CD226: variants seen among roughly 807,000 people sequenced by gnomAD.
The protein encoded by CD226 is CD226 molecule, also known as CD226 antigen.
CD226 carries 24 observed loss-of-function variants against 34.9 expected under a neutral mutation model. The ratio of observed to expected loss-of-function variants is 0.69; its 90% CI spans 0.50 to 0.97. The LOEUF is 0.97. CD226 is among the 50% of genes least tolerant of loss of function. The probability of loss-of-function intolerance (pLI) is 0.00; values close to 1 mark genes in which losing one functional copy is unlikely to be tolerated. For synonymous variants in CD226, 148 were observed against 147.4 expected (o/e 1.00, Z -0.03); for missense variants, 397 against 412.7 (o/e 0.96, Z 0.33).
At chr18:69,872,545 C>A (rs1488406076) in intron 4 of CD226, among the ~76,000 whole-genome samples, 1 of 152,060 alleles carries the variant, frequency 6.6e-6, no homozygotes, top group Non-Finnish European at 1.5e-5. Context: ...ATCACTGTGA[C>A]CAGCCAATAA....
At chr18:69,914,553 CT>C (rs1296607418) in intron 2 of CD226, among the ~76,000 whole-genome samples, 2 of 152,144 alleles carry the variant, frequency 1.3e-5, no homozygotes, top group African/African-American at 4.8e-5. Flanking sequence ...AGCATTTCTA[CT>C]GAAGTAAATT....
chr18:69,933,157 ATCTT>A (rs2055609284), intron 2 of CD226, among the ~76,000 whole-genome samples: 1 of 151,918 alleles, frequency 6.6e-6, no homozygotes, highest in African/African-American at 2.4e-5. Context: ...TGTGCCTCCT[ATCTT>A]TCTGCCTTCC....
chr18:69,936,610 C>T (rs888588400), intron 2 of CD226, among the ~76,000 whole-genome samples: 3 of 151,934 alleles, frequency 2.0e-5, no homozygotes, highest in East Asian at 3.9e-4. Flanking sequence ...TAAAATGTAA[C>T]ATTTTTTAGT....
intron 3 of CD226, among the ~76,000 whole-genome samples, chr18:69,884,160 T>C (rs142328084): frequency 2.6e-5 from 4 of 152,210 alleles, no homozygotes; most frequent in Non-Finnish European, 5.9e-5. Context: ...CTAAGGACTG[T>C]AGTCCCAGGC....
At chr18:69,916,364 C>T (rs1348533450) in intron 2 of CD226, among the ~76,000 whole-genome samples, 4 of 152,028 alleles carry the variant, frequency 2.6e-5, no homozygotes, top group Non-Finnish European at 4.4e-5. Flanking sequence ...TGACATTGAC[C>T]ATCTAACCAT....
intron 2 of CD226, among the ~76,000 whole-genome samples, chr18:69,913,619 C>A (rs962566903): frequency 6.6e-6 from 1 of 152,088 alleles, no homozygotes; most frequent in Non-Finnish European, 1.5e-5. Context: ...AGAGTAACAA[C>A]CTTTGTAAAT....
chr18:69,919,975 C>T (rs1270454174), intron 2 of CD226, among the ~76,000 whole-genome samples: 1 of 151,924 alleles, frequency 6.6e-6, no homozygotes, highest in African/African-American at 2.4e-5. Flanking sequence ...ACCATCATCC[C>T]ACCTCAGCCT....
chr18:69,868,994 T>C (rs1983333060), intron 4 of CD226, among the ~76,000 whole-genome samples: 1 of 152,140 alleles, frequency 6.6e-6, no homozygotes, highest in Admixed American at 6.5e-5. Flanking sequence ...TATTAAAAAG[T>C]CAAAAAATAT....
chr18:69,903,271 T>A (rs973291821), intron 2 of CD226, among the ~76,000 whole-genome samples: 6 of 152,118 alleles, frequency 3.9e-5, no homozygotes, highest in African/African-American at 1.4e-4. Flanking sequence ...AACTGAGCTG[T>A]CAGGCAGCTT....
intron 2 of CD226, among the ~76,000 whole-genome samples, chr18:69,924,411 C>T (rs926126575): frequency 4.6e-5 from 7 of 151,832 alleles, no homozygotes; most frequent in African/African-American, 1.2e-4. Context: ...GTGATTCTGA[C>T]TAGAAAGGCA....
chr18:69,876,161 G>T (rs75397711), intron 3 of CD226, among the ~76,000 whole-genome samples: 1 of 151,892 alleles, frequency 6.6e-6, no homozygotes, highest in Non-Finnish European at 1.5e-5. Flanking sequence ...TTTTCTAGAC[G>T]ATGTGTTCAT....
upstream of CD226, among the ~76,000 whole-genome samples, chr18:69,959,514 T>C (rs1445219215): frequency 1.3e-5 from 2 of 152,210 alleles, no homozygotes; most frequent in Non-Finnish European, 2.9e-5. Flanking sequence ...GGCACTAACT[T>C]GCTGTTCTAA....
In CD226 at chr18:69,895,798, G is replaced by A. The variant is rs370638272; in HGVS notation, c.630C>T (p.Pro210=). 63 of 1,614,030 alleles carry A rather than the reference G, an allele frequency of 3.9e-5. No individual in the cohort carries two copies. The highest frequency in any genetic ancestry group is 5.3e-5 in the African/African-American group (4 of 74,916). The change falls in exon 3 of 6, where the codon CCC becomes CCT. Residue 210 remains proline (P), a synonymous_variant. Transcript: ENST00000582621. ...SHGRWSVIVI[P]DVTVSDSGLY... The stretch of plus-strand genomic sequence containing the variant: ...GCCCCGAGTCTGAGACTGTGACATC[G>A]GGGATGACGATGACGCTCCACCTTC...
At chr18:69,895,431 A>T (rs1568176160) in intron 3 of CD226, among the ~76,000 whole-genome samples, 1 of 152,160 alleles carries the variant, frequency 6.6e-6, no homozygotes, top group Non-Finnish European at 1.5e-5. Context: ...TATGTTTTTC[A>T]GCCCTTTACG....
At chr18:69,903,765 G>A (rs2055216243) in intron 2 of CD226, among the ~76,000 whole-genome samples, 1 of 152,250 alleles carries the variant, frequency 6.6e-6, no homozygotes, top group South Asian at 2.1e-4. Context: ...AGCTAGGTGA[G>A]ACCTCTCCTT....
rs1982597660 is a variant in CD226, at chr18:69,855,923, G to C, written c.*8391C>G. 6.6e-6 allele frequency: 1 copy of C among 152,000 alleles called. No homozygotes were observed. The highest frequency in any genetic ancestry group is 2.4e-5 in the African/African-American group (1 of 41,386). The allele number at this position is 152,000 out of a possible 1,614,324, so 9.4% of individuals were successfully genotyped here. On this transcript the variant is annotated 3_prime_UTR_variant, in exon 6 of 6. Coordinates refer to ENST00000582621, the MANE Select transcript of CD226 (RefSeq NM_001303618.2). The stretch of plus-strand genomic sequence containing the variant: ...GACAGATATCACGATTACCCAATAT[G>C]ATCATTACATATTGTATACAGGTAT...
chr18:69,956,424 T>C (rs903729431), intron 1 of CD226, among the ~76,000 whole-genome samples: 2 of 152,240 alleles, frequency 1.3e-5, no homozygotes, highest in Non-Finnish European at 2.9e-5. Context: ...GAAGGAAGAT[T>C]TAAGCTTGAC....
chr18:69,927,756 C>T (rs1490353447), intron 2 of CD226, among the ~76,000 whole-genome samples: 13 of 152,160 alleles, frequency 8.5e-5, no homozygotes, highest in Non-Finnish European at 7.3e-5. Flanking sequence ...ATATATTCTA[C>T]ATGTTACATA....
At chr18:69,925,895 C>G (rs1205472301) in intron 2 of CD226, among the ~76,000 whole-genome samples, 1 of 152,196 alleles carries the variant, frequency 6.6e-6, no homozygotes, top group Non-Finnish European at 1.5e-5. Flanking sequence ...GTAATCCCAG[C>G]ACTTTGGGAG....
Sources: gnomAD v4.1 joint callset for allele counts (sites outside exome capture counted in the v4.1 genomes callset) on GRCh38, gnomAD v4.1.1 for gene constraint, MANE v1.5 for transcripts, NCBI Gene and HGNC (gene_info 2026-07-23, HGNC 2026-07-21) for gene names.